Variants in SLC1A4 observed in about 807,000 individuals in gnomAD.
SLC1A4 encodes the protein neutral amino acid transporter A.
In SLC1A4, 19 loss-of-function variants were observed where a neutral mutation model predicts 37.7. The ratio of observed to expected loss-of-function variants is 0.50; its 90% CI spans 0.35 to 0.74. SLC1A4 has a LOEUF of 0.74. Among genes scored for constraint, SLC1A4 ranks in the 30% least tolerant of loss-of-function variants. The pLI is 0.01. For synonymous variants in SLC1A4, 299 were observed against 309.8 expected (o/e 0.97, Z 0.37); for missense variants, 570 against 712.9 (o/e 0.80, Z 2.28).
chr2:65,008,843 A>G (rs1030751997), intron 3 of SLC1A4, among the ~76,000 whole-genome samples: 3 of 152,178 alleles, frequency 2.0e-5, no homozygotes, highest in Non-Finnish European at 2.9e-5. Flanking sequence ...CTTCATAGCA[A>G]CTTTACATAT....
At position 65,010,767 on chromosome 2, in the gene SLC1A4, AG is replaced by A; in HGVS notation, c.800+5del. On this transcript the variant is annotated splice_donor_5th_base_variant and intron_variant, in intron 4 of 7. Coordinates refer to ENST00000234256, the MANE Select transcript of SLC1A4 (RefSeq NM_003038.5). ...TGCTGGTGTCCTGGATTATGTGGTG[AG>A]TGCTGCTTTGCTGCCTACTCTCTCT... The A allele has an allele frequency of 1.2e-6, 2 of 1,608,928 alleles. No individual in the cohort carries two copies. Among genetic ancestry groups the A allele is most frequent in the Non-Finnish European group, 1.7e-6 (2 of 1,178,074 alleles).
At position 65,010,619 on chromosome 2, in the gene SLC1A4, A is replaced by T. The variant is rs34259099; in HGVS notation, c.656A>T (p.Glu219Val). ...CAGATCCCCATAGGCACTGAGATAG[A>T]AGGGATGAACATTTTAGGATTGGTC... ...HEKIPIGTEI[E>V]GMNILGLVLF... The change falls in exon 4 of 8, where the codon GAA becomes GTA. Residue 219 changes from glutamate (E) to valine (V), a missense_variant. Coordinates refer to ENST00000234256, the MANE Select transcript of SLC1A4 (RefSeq NM_003038.5). The T allele has an allele frequency of 6.2e-7, 1 of 1,612,668 alleles. No homozygotes were observed.
In SLC1A4 at chr2:64,989,950, G is replaced by T. The variant is rs769141177; in HGVS notation, c.307G>T (p.Ala103Ser). The T allele has an allele frequency of 8.9e-6, 14 of 1,572,312 alleles. No individual in the cohort carries two copies. In the South Asian group the frequency reaches 1.6e-4, roughly 18 times the overall value. ...GGTCTGCAGCCTGGTGTCGGGCGCC[G>T]CCTCGCTCGATGCCAGCTGCCTCGG... ...LVVCSLVSGAASLDASCLGRL... is the reference protein window; with the variant it reads ...LVVCSLVSGASSLDASCLGRL... Residue 103 changes from alanine (A) to serine (S), a missense_variant, in exon 1 of 8, where the codon GCC becomes TCC. By Grantham distance (99) the Ala-to-Ser change is moderately conservative. Transcript: ENST00000234256.
chr2:65,002,314 AAG>A, intron 2 of SLC1A4, among the ~76,000 whole-genome samples: 4 of 151,558 alleles, frequency 2.6e-5, no homozygotes, highest in African/African-American at 2.4e-5. Flanking sequence ...TAATAAAATA[AAG>A]ATAAGCATAC....
chr2:65,020,034 A>T (rs1271793752), intron 7 of SLC1A4, among the ~76,000 whole-genome samples: 1 of 152,206 alleles, frequency 6.6e-6, no homozygotes, highest in Admixed American at 6.5e-5. Flanking sequence ...GGGACAGGGG[A>T]ATGGTATTGG....
At chr2:65,009,396 GA>G (rs1329960671) in intron 3 of SLC1A4, among the ~76,000 whole-genome samples, 1 of 150,294 alleles carries the variant, frequency 6.7e-6, no homozygotes, top group Non-Finnish European at 1.5e-5. Context: ...AAAAAGAAAA[GA>G]AAGAAAGAAA....
chr2:65,015,118 G>C (rs1674074072), intron 4 of SLC1A4, among the ~76,000 whole-genome samples: 1 of 152,212 alleles, frequency 6.6e-6, no homozygotes, highest in Non-Finnish European at 1.5e-5. Flanking sequence ...TGTGTACCTA[G>C]AATAGTCAAA....
intron 1 of SLC1A4, among the ~76,000 whole-genome samples, chr2:64,996,941 A>G (rs982068907): frequency 5.3e-5 from 8 of 152,210 alleles, no homozygotes; most frequent in Admixed American, 5.2e-4. Flanking sequence ...GAGGCAGCTG[A>G]TCCCGGATTA....
At chr2:64,996,012 G>A (rs1307210414) in intron 1 of SLC1A4, among the ~76,000 whole-genome samples, 1 of 152,134 alleles carries the variant, frequency 6.6e-6, no homozygotes, top group Admixed American at 6.5e-5. Flanking sequence ...TTTTCTGTTT[G>A]TTTTAAGTAA....
intron 1 of SLC1A4, among the ~76,000 whole-genome samples, 190 bp downstream of exon 1, chr2:64,990,360 G>A (rs1673007590): frequency 6.6e-6 from 1 of 152,202 alleles, no homozygotes. Flanking sequence ...TTTGCAAACA[G>A]CTGGGGCGCA....
At position 65,001,446 on chromosome 2, in the gene SLC1A4, A is replaced by AAT; in HGVS notation, c.528-2_528-1insAT. 6.2e-7 allele frequency: 1 copy of AAT among 1,613,888 alleles called. No homozygotes were observed. The highest frequency in any genetic ancestry group is 1.1e-5 in the South Asian group (1 of 91,072). On this transcript the variant is annotated splice_acceptor_variant, in intron 1 of 7. Coordinates refer to ENST00000234256, the MANE Select transcript of SLC1A4 (RefSeq NM_003038.5). LOFTEE classifies it high-confidence loss of function. ...CTGACAGAATGCTTTCTTTTCCAAC[A>AAT]GAAACCTGTTTCCCTCCAATCTTGT... is the stretch of plus-strand genomic sequence containing the variant.
rs1674152405 is a variant in SLC1A4, at chr2:65,016,692, TCTTCACTGCTCTGAG to T, written c.1034+21_1034+35del. On this transcript the variant is annotated intron_variant, in intron 5 of 7. Coordinates refer to ENST00000234256, the MANE Select transcript of SLC1A4 (RefSeq NM_003038.5). Reference sequence around the variant, plus strand: ...GCTCCAGGTGAGTGGGTTTTGGGTCTCTTCACTGCTCTGAGCCATGTTAACATGGAACCAGGTGAG... The same window carrying T: ...GCTCCAGGTGAGTGGGTTTTGGGTCTCCATGTTAACATGGAACCAGGTGAG... The T allele has an allele frequency of 6.6e-7, 1 of 1,515,182 alleles. No individual in the cohort carries two copies. Among genetic ancestry groups the T allele is most frequent in the African/African-American group, 1.4e-5 (1 of 72,892 alleles). 93.9% of individuals were successfully genotyped at this position (1,515,182 alleles called of 1,614,324 possible).
chr2:64,991,593 T>TTTGTTTG, intron 1 of SLC1A4, among the ~76,000 whole-genome samples: 1 of 143,526 alleles, frequency 7.0e-6, no homozygotes, highest in Admixed American at 6.8e-5. Context: ...ACACCCAGCT[T>TTTGTTTG]TTTGTTTGTT....
At chr2:65,012,702 T>C (rs1281209085) in intron 4 of SLC1A4, among the ~76,000 whole-genome samples, 3 of 152,226 alleles carry the variant, frequency 2.0e-5, no homozygotes, top group Non-Finnish European at 4.4e-5. Context: ...TCTTGGCTTT[T>C]GTTAAGTCTA....
intron 5 of SLC1A4, among the ~76,000 whole-genome samples, chr2:65,016,898 G>A (rs1431408477): frequency 2.0e-5 from 3 of 152,106 alleles, no homozygotes; most frequent in African/African-American, 4.8e-5. Flanking sequence ...CTCCCACCTC[G>A]GCCTTCCGAA....
chr2:65,015,746 C>T (rs147672136), intron 4 of SLC1A4, among the ~76,000 whole-genome samples: 2 of 152,334 alleles, frequency 1.3e-5, no homozygotes, highest in South Asian at 2.1e-4. Flanking sequence ...AACTATGTGA[C>T]ATTATTACCT....
chr2:65,004,045 AAT>A, intron 3 of SLC1A4, 30 bp downstream of exon 3: 1 of 1,540,004 alleles, frequency 6.5e-7, no homozygotes, highest in South Asian at 1.1e-5. Flanking sequence ...CACTTGTAAA[AAT>A]ATGTCTAAAA....
At chr2:65,001,896 A>G (rs1479801026) in intron 2 of SLC1A4, among the ~76,000 whole-genome samples, 1 of 152,260 alleles carries the variant, frequency 6.6e-6, no homozygotes, top group Admixed American at 6.5e-5. Context: ...AACAAAAATC[A>G]TCCATAGTCA....
At chr2:64,990,291 C>A in intron 1 of SLC1A4, 121 bp downstream of exon 1, 4 of 1,001,990 alleles carry the variant, frequency 4.0e-6, no homozygotes, top group Non-Finnish European at 5.7e-6. Context: ...CTGCTGGTGG[C>A]GTTTAACGTT....
Sources: allele counts gnomAD v4.1 joint callset (sites outside exome capture counted in the v4.1 genomes callset), GRCh38; gene constraint gnomAD v4.1.1; transcripts MANE v1.5; gene names NCBI Gene and HGNC (gene_info 2026-07-23, HGNC 2026-07-21).